Variants in MACF1 observed in about 807,000 individuals in gnomAD.
MACF1 encodes microtubule-actin cross-linking factor 1.
In MACF1, 193 loss-of-function variants were observed where a neutral mutation model predicts 854.8. The ratio of observed to expected loss-of-function variants is 0.23; its 90% CI spans 0.20 to 0.25. MACF1 has a LOEUF of 0.25. Among genes scored for constraint, MACF1 ranks in the 10% least tolerant of loss-of-function variants. MACF1 has a pLI of 1.00. For synonymous variants in MACF1, 3,185 were observed against 3,226.7 expected, an observed-to-expected ratio of 0.99 and a Z score of 0.44; for missense variants, 7,722 against 8,929.1, an observed-to-expected ratio of 0.86 and a Z score of 5.45.
chr1:39,168,672 G>A, intron 2 of MACF1, among the ~76,000 whole-genome samples: 1 of 151,898 alleles, frequency 6.6e-6, no homozygotes, highest in Non-Finnish European at 1.5e-5. Context: ...AGTGACCTGG[G>A]GCAAGTTACT....
intron 23 of MACF1, chr1:39,304,918 T>G (rs1009519960): frequency 6.6e-6 from 1 of 152,034 alleles, no homozygotes; most frequent in Non-Finnish European, 1.5e-5. Context: ...TGTCTCAGAC[T>G]CTGAATTTTT....
At chr1:39,177,763 A>C (rs533737229) in intron 2 of MACF1, among the ~76,000 whole-genome samples, 1 of 152,250 alleles carries the variant, frequency 6.6e-6, no homozygotes, top group Non-Finnish European at 1.5e-5. Context: ...TTTGCCATCT[A>C]TACCAGAAGC....
At chr1:39,219,555 T>G (rs886633775) in intron 1 of MACF1, among the ~76,000 whole-genome samples, 2 of 152,210 alleles carry the variant, frequency 1.3e-5, no homozygotes, top group Non-Finnish European at 2.9e-5. Flanking sequence ...TAGCAATCAT[T>G]TATAATGTTT....
chr1:39,155,144 A>G (rs527732514), intron 2 of MACF1, among the ~76,000 whole-genome samples: 1 of 152,280 alleles, frequency 6.6e-6, no homozygotes, highest in East Asian at 1.9e-4. Flanking sequence ...CAAGAATACA[A>G]CTGGAGCCAG....
At chr1:39,244,374 G>T (rs902627229) in intron 2 of MACF1, among the ~76,000 whole-genome samples, 5 of 151,886 alleles carry the variant, frequency 3.3e-5, no homozygotes, top group African/African-American at 1.2e-4. Context: ...TTCTGCCTCC[G>T]AGGTTCAAGT....
intron 2 of MACF1, among the ~76,000 whole-genome samples, chr1:39,095,062 C>G (rs1641902983): frequency 1.3e-5 from 2 of 152,160 alleles, no homozygotes; most frequent in African/African-American, 2.4e-5. Flanking sequence ...AATCTTAGGC[C>G]TTTCATGGAG....
At chr1:39,403,446 C>T (rs181523699) in intron 58 of MACF1, among the ~76,000 whole-genome samples, 11 of 152,236 alleles carry the variant, frequency 7.2e-5, no homozygotes, top group African/African-American at 2.6e-4. Context: ...GTGAGGGGCC[C>T]TTCTAGACAC....
At position 39,441,861 on chromosome 1, in the gene MACF1, AT is replaced by A. The variant is rs1305223512; in HGVS notation, c.18673-88del. ...CAAACAGCACAAGGTGCTTTGATTG[AT>A]TTATGTCTTCTTATGTTAGCAGAGA... On this transcript the variant is annotated intron_variant, in intron 74 of 100. Coordinates refer to ENST00000564288, the MANE Select transcript of MACF1 (RefSeq NM_001394062.1). The A allele has an allele frequency of 7.7e-5, 72 of 940,308 alleles. 1 individual carries two copies. In the African/African-American group the frequency reaches 9.9e-4, roughly 13 times the overall value. The allele number at this position is 940,308 out of a possible 1,614,324, so 58.2% of individuals were successfully genotyped here. A position where few individuals can be genotyped will look rare whatever the true frequency, so the allele number is the denominator to read the frequency against.
chr1:39,309,579 A>T lies in MACF1; in HGVS notation c.2799A>T (p.Gln933His). ...TCTGTGTTATTTCTAGGGTCGAACAATCTTATCAGAAGGTTATGGCCCTTT... is the reference window on the plus strand; with the variant it reads ...TCTGTGTTATTTCTAGGGTCGAACATTCTTATCAGAAGGTTATGGCCCTTT... ...DAIEMASRVE[Q>H]SYQKVMALWH... The change falls in exon 24 of 101, where the codon CAA becomes CAT. Residue 933 changes from glutamine to histidine, a missense_variant. Physicochemically the swap from Gln to His is conservative, Grantham distance 24. This residue lies in a region of MACF1 where 1,137 missense variants were observed against 1,263.0 expected (regional missense o/e 0.90). Coordinates refer to ENST00000564288, the MANE Select transcript of MACF1 (RefSeq NM_001394062.1). 6.2e-7 allele frequency: 1 copy of T among 1,614,162 alleles called. No individual in the cohort carries two copies. Among genetic ancestry groups the T allele is most frequent in the Non-Finnish European group, 8.5e-7 (1 of 1,179,994 alleles).
At chr1:39,408,915 T>A (rs921781945) in intron 58 of MACF1, among the ~76,000 whole-genome samples, 3 of 151,140 alleles carry the variant, frequency 2.0e-5, no homozygotes, top group African/African-American at 7.3e-5. Flanking sequence ...TCGGAGTCGC[T>A]CCTCTCCCCG....
intron 79 of MACF1, 22 bp from the exon 80 acceptor site, chr1:39,444,639 AT>A (rs1557658489): frequency 3.8e-6 from 6 of 1,595,360 alleles, no homozygotes; most frequent in Non-Finnish European, 5.1e-6. Flanking sequence ...TAGAATTGAT[AT>A]CTTTCCTGCC....
chr1:39,350,508 T>A (rs568264472), intron 42 of MACF1, among the ~76,000 whole-genome samples: 40 of 152,330 alleles, frequency 2.6e-4, no homozygotes, highest in African/African-American at 9.6e-4. Context: ...CACTTCTTTA[T>A]GGAAAGAATG....
chr1:39,225,107 C>CT (rs1276007313), intron 1 of MACF1, among the ~76,000 whole-genome samples: 2 of 152,108 alleles, frequency 1.3e-5, no homozygotes, highest in Non-Finnish European at 2.9e-5. Flanking sequence ...TTGCTTGAGC[C>CT]TAGGGGTTCA....
At chr1:39,219,551 T>A (rs1399982787) in intron 1 of MACF1, among the ~76,000 whole-genome samples, 1 of 152,236 alleles carries the variant, frequency 6.6e-6, no homozygotes, top group Non-Finnish European at 1.5e-5. Context: ...AGGATAGCAA[T>A]CATTTATAAT....
intron 1 of MACF1, among the ~76,000 whole-genome samples, chr1:39,227,897 T>G (rs1644734199): frequency 6.6e-6 from 1 of 152,240 alleles, no homozygotes; most frequent in South Asian, 2.1e-4. Context: ...TCACTCCTCC[T>G]TGAAACTTCA....
chr1:39,193,254 C>T (rs1571157575), intron 2 of MACF1, among the ~76,000 whole-genome samples: 1 of 151,700 alleles, frequency 6.6e-6, no homozygotes, highest in Non-Finnish European at 1.5e-5. Context: ...CCAGAGTTTC[C>T]TGGAAAAAGC....
Position 39,460,899 on chromosome 1 carries a change from C to A in MACF1, c.21523+105C>A. The A allele has an allele frequency of 1.5e-6, 2 of 1,325,514 alleles. No individual in the cohort carries two copies. Among genetic ancestry groups the A allele is most frequent in the Non-Finnish European group, 2.1e-6 (2 of 940,528 alleles). 82.1% of individuals were successfully genotyped at this position (1,325,514 alleles called of 1,614,324 possible). ...CAGTCTTTCTGAAGCTGGCCAGGAG[C>A]TTGGCTCACACCTGTAATTCCAGCA... On this transcript the variant is annotated intron_variant, in intron 92 of 100. Coordinates refer to ENST00000564288, the MANE Select transcript of MACF1 (RefSeq NM_001394062.1). This position sits in a 1 kb window ranked among gnomAD's most constrained non-coding sequence, Gnocchi z 4.1.
chr1:39,392,253 G>A (rs886189117), intron 58 of MACF1, among the ~76,000 whole-genome samples: 7 of 152,140 alleles, frequency 4.6e-5, no homozygotes, highest in Non-Finnish European at 7.3e-5. Flanking sequence ...AATTCTGTGT[G>A]TCAGTTCCAT....
intron 2 of MACF1, among the ~76,000 whole-genome samples, chr1:39,140,914 CAAAAAAAAAAAA>C (rs34687844): frequency 1.9e-4 from 9 of 48,276 alleles, no homozygotes; most frequent in Admixed American, 3.7e-4. Flanking sequence ...GACTCTGTCT[CAAAAAAAAAAAA>C]AAAAAAAAAA....
Sources: allele counts gnomAD v4.1 joint callset (sites outside exome capture counted in the v4.1 genomes callset), GRCh38; gene constraint gnomAD v4.1.1; regional missense constraint gnomAD v4.1.1; non-coding constraint Gnocchi (gnomAD v3.1); transcripts MANE v1.5; gene names NCBI Gene and HGNC (gene_info 2026-07-23, HGNC 2026-07-21).